The following RBPMS variants were observed in gnomAD, a reference collection of about 807,000 sequenced individuals.
The protein encoded by RBPMS is RNA binding protein, mRNA processing factor.
A neutral mutation model predicts 26.8 loss-of-function variants in RBPMS; 7 were observed. The observed-to-expected ratio is 0.26, with a 90% CI of 0.15 to 0.49. The LOEUF (loss-of-function observed/expected upper bound fraction) is 0.49, where lower values mean the gene tolerates loss of function less well. RBPMS is among the 20% of genes least tolerant of loss of function. The pLI is 0.98. For missense variants in RBPMS, 186 were observed against 250.0 expected (o/e 0.74, Z 1.73); for synonymous variants, 96 against 93.3 (o/e 1.03, Z -0.17).
chr8:30,570,943 T>C lies in RBPMS; in HGVS notation c.*418T>C, dbSNP rs1198017614. On this transcript the variant is annotated 3_prime_UTR_variant, in exon 9 of 9. Coordinates refer to ENST00000397323, the MANE Select transcript of RBPMS (RefSeq NM_001008710.3). ...TTACACTGGTTTGGATCACAGTTTTTGTTCTTGACTTTTGAATGCTTGTAA... is the reference window on the plus strand; with the variant it reads ...TTACACTGGTTTGGATCACAGTTTTCGTTCTTGACTTTTGAATGCTTGTAA... The C allele has an allele frequency of 2.0e-5, 3 of 152,332 alleles. No individual in the cohort carries two copies. In the East Asian group the frequency reaches 5.8e-4, roughly 29 times the overall value. 9.4% of individuals were successfully genotyped at this position (152,332 alleles called of 1,614,324 possible). A position where few individuals can be genotyped will look rare whatever the true frequency, so the allele number is the denominator to read the frequency against.
intron 5 of RBPMS, among the ~76,000 whole-genome samples, chr8:30,518,826 GTATGACC>G (rs1269811862): frequency 2.0e-5 from 3 of 148,134 alleles, no homozygotes; most frequent in Non-Finnish European, 4.4e-5. Flanking sequence ...GTGTAAGCCA[GTATGACC>G]TACACTTGAT....
At chr8:30,474,956 CAG>C (rs1015931387) in intron 2 of RBPMS, 100 bp downstream of exon 2, 63 of 794,632 alleles carry the variant, frequency 7.9e-5, no homozygotes, top group Admixed American at 4.2e-4. Flanking sequence ...GAGAAGAAAA[CAG>C]ATGTTTTTAA....
At chr8:30,505,132 C>T (rs1383437965) in intron 5 of RBPMS, among the ~76,000 whole-genome samples, 2 of 152,132 alleles carry the variant, frequency 1.3e-5, no homozygotes, top group African/African-American at 4.8e-5. Context: ...ATTGAATTTG[C>T]TTTCTCAAGC....
intron 1 of RBPMS, among the ~76,000 whole-genome samples, chr8:30,412,460 T>G (rs1809557994): frequency 6.6e-6 from 1 of 152,138 alleles, no homozygotes; most frequent in Non-Finnish European, 1.5e-5. Context: ...TTTTTTTTTT[T>G]TGTAATTATT....
At chr8:30,448,355 T>C (rs553020406) in intron 1 of RBPMS, among the ~76,000 whole-genome samples, 1 of 152,326 alleles carries the variant, frequency 6.6e-6, no homozygotes, top group East Asian at 1.9e-4. Context: ...CCAAGATGTT[T>C]GCAGGGCAGA....
At chr8:30,509,838 C>T (rs2150951235) in intron 5 of RBPMS, among the ~76,000 whole-genome samples, 1 of 152,200 alleles carries the variant, frequency 6.6e-6, no homozygotes, top group African/African-American at 2.4e-5. Flanking sequence ...TTCTCATAAC[C>T]AAAATCCTAC....
intron 5 of RBPMS, among the ~76,000 whole-genome samples, chr8:30,513,625 C>T (rs1821972998): frequency 1.4e-5 from 2 of 147,358 alleles, no homozygotes; most frequent in Non-Finnish European, 3.0e-5. Flanking sequence ...ATCAGGGACT[C>T]GAATCTCCTT....
intron 1 of RBPMS, among the ~76,000 whole-genome samples, chr8:30,458,592 A>G (rs1292835532): frequency 1.3e-5 from 2 of 152,238 alleles, no homozygotes. Flanking sequence ...ACAAAAACAA[A>G]TAGATTTAGT....
chr8:30,481,434 A>T (rs1338076992), intron 4 of RBPMS, among the ~76,000 whole-genome samples: 1 of 152,182 alleles, frequency 6.6e-6, no homozygotes, highest in East Asian at 1.9e-4. Flanking sequence ...AGTGTAATAT[A>T]ATGATAGAGG....
intron 2 of RBPMS, among the ~76,000 whole-genome samples, 163 bp downstream of exon 2, chr8:30,475,019 CACTT>C (rs1817539709): frequency 6.6e-6 from 1 of 152,158 alleles, no homozygotes; most frequent in Non-Finnish European, 1.5e-5. Context: ...TGTACAGTCT[CACTT>C]AGGATAATTA....
At chr8:30,537,455 G>A (rs1018772044) in intron 5 of RBPMS, 2 of 418,390 alleles carry the variant, frequency 4.8e-6, no homozygotes, top group Admixed American at 4.9e-5. Flanking sequence ...AGTGGAGTGG[G>A]GAGACGGTGG....
intron 1 of RBPMS, among the ~76,000 whole-genome samples, chr8:30,441,419 C>G (rs17537307): frequency 0.24 from 36,737 of 151,940 alleles, 4,885 homozygotes; most frequent in East Asian, 0.43. Flanking sequence ...TCAAACTTGG[C>G]AGAACTATTA....
At chr8:30,478,998 G>A (rs1452152312) in intron 3 of RBPMS, among the ~76,000 whole-genome samples, 2 of 152,204 alleles carry the variant, frequency 1.3e-5, no homozygotes, top group Non-Finnish European at 2.9e-5. Flanking sequence ...ATTTAGGAAA[G>A]TAGAGCCTCT....
At chr8:30,470,723 C>T (rs1229197090) in intron 1 of RBPMS, among the ~76,000 whole-genome samples, 4 of 152,118 alleles carry the variant, frequency 2.6e-5, no homozygotes, top group Admixed American at 6.6e-5. Context: ...ACCTAAGTCT[C>T]GTCCATGTTT....
At chr8:30,420,746 A>G (rs941456466) in intron 1 of RBPMS, among the ~76,000 whole-genome samples, 2 of 152,246 alleles carry the variant, frequency 1.3e-5, no homozygotes, top group African/African-American at 4.8e-5. Context: ...CATTTGCCGA[A>G]CTTGAATAAA....
intron 4 of RBPMS, among the ~76,000 whole-genome samples, chr8:30,498,204 T>C: frequency 6.6e-6 from 1 of 151,952 alleles, no homozygotes; most frequent in Non-Finnish European, 1.5e-5. Context: ...GATAGGAAGC[T>C]CTTAAAGAAG....
intron 1 of RBPMS, among the ~76,000 whole-genome samples, chr8:30,459,776 C>T (rs976228604): frequency 1.3e-5 from 2 of 152,206 alleles, no homozygotes; most frequent in African/African-American, 4.8e-5. Flanking sequence ...AAAATTTATA[C>T]AGTGCCAGAT....
At chr8:30,558,998 A>G in intron 7 of RBPMS, 42 bp downstream of exon 7, 1 of 1,525,362 alleles carries the variant, frequency 6.6e-7, no homozygotes, top group Admixed American at 1.7e-5. Flanking sequence ...AGCCCCTAGA[A>G]CACATCTGTA....
At chr8:30,537,493 C>A in intron 5 of RBPMS, 1 of 450,300 alleles carries the variant, frequency 2.2e-6, no homozygotes, top group Non-Finnish European at 4.5e-6. Context: ...GCTGAGAACC[C>A]GCATTTGGGT....
Sources: allele counts gnomAD v4.1 joint callset (sites outside exome capture counted in the v4.1 genomes callset), GRCh38; gene constraint gnomAD v4.1.1; transcripts MANE v1.5; gene names NCBI Gene and HGNC (gene_info 2026-07-23, HGNC 2026-07-21).